The following IL36B variants were observed in gnomAD, a reference collection of about 807,000 sequenced individuals.
IL36B encodes the protein interleukin 36 beta.
In IL36B, 23 loss-of-function variants were observed where a neutral mutation model predicts 19.3. The observed-to-expected ratio is 1.19, with a 90% CI of 0.86 to 1.69. The LOEUF is 1.69. Among genes scored for constraint, IL36B ranks in the 40% most tolerant of loss-of-function variants. IL36B has a pLI of 0.00. For missense variants in IL36B, 217 were observed against 200.5 expected, an observed-to-expected ratio of 1.08 and a Z score of -0.50; for synonymous variants, 59 against 59.7, an observed-to-expected ratio of 0.99 and a Z score of 0.05.
At chr2:113,042,621 A>G (rs890050038) in intron 1 of IL36B, among the ~76,000 whole-genome samples, 4 of 152,250 alleles carry the variant, frequency 2.6e-5, no homozygotes, top group Admixed American at 6.5e-5. Flanking sequence ...TCCTTCACTC[A>G]GTGTACTTTC....
At chr2:113,051,442 T>A (rs533740940) in intron 1 of IL36B, among the ~76,000 whole-genome samples, 1 of 150,512 alleles carries the variant, frequency 6.6e-6, no homozygotes, top group African/African-American at 2.5e-5. Context: ...CTGCCCACAC[T>A]CTCTCTCAGA....
chr2:113,042,907 C>T (rs1432056944), intron 1 of IL36B, among the ~76,000 whole-genome samples: 1 of 151,878 alleles, frequency 6.6e-6, no homozygotes, highest in African/African-American at 2.4e-5. Flanking sequence ...TGTGAGAGAT[C>T]TGGTTCTCTA....
At chr2:113,024,031 G>A (rs958681583) in intron 5 of IL36B, among the ~76,000 whole-genome samples, 1 of 152,170 alleles carries the variant, frequency 6.6e-6, no homozygotes, top group Non-Finnish European at 1.5e-5. Context: ...CATGCTGATG[G>A]AAATTGAAGA....
intron 4 of IL36B, among the ~76,000 whole-genome samples, chr2:113,026,756 T>C (rs1684969334): frequency 6.6e-6 from 1 of 152,212 alleles, no homozygotes; most frequent in Admixed American, 6.5e-5. Context: ...GTATCATAGC[T>C]GATGCTTCTT....
At chr2:113,036,354 C>CTT (rs367626558) in intron 1 of IL36B, among the ~76,000 whole-genome samples, 8 of 134,928 alleles carry the variant, frequency 5.9e-5, no homozygotes, top group East Asian at 4.2e-4. Flanking sequence ...AAACACCTTG[C>CTT]TTTTTTTTTT....
chr2:113,034,648 A>G (rs1439348456), intron 1 of IL36B, among the ~76,000 whole-genome samples: 1 of 152,236 alleles, frequency 6.6e-6, no homozygotes, highest in Non-Finnish European at 1.5e-5. Flanking sequence ...AAATGTATGT[A>G]GTATCTCATG....
intron 1 of IL36B, among the ~76,000 whole-genome samples, chr2:113,052,214 T>C (rs1207735667): frequency 6.6e-6 from 1 of 152,078 alleles, no homozygotes. Flanking sequence ...CCTCCCAAGG[T>C]ACTGGGATTA....
At chr2:113,032,133 CTGTG>C (rs56385654) in intron 1 of IL36B, among the ~76,000 whole-genome samples, 2,579 of 143,936 alleles carry the variant, frequency 0.018, 25 homozygotes, top group African/African-American at 0.028. Flanking sequence ...GTGTGTGTGT[CTGTG>C]TGTGTGTGTG....
chr2:113,035,813 C>G (rs993236727), intron 1 of IL36B, among the ~76,000 whole-genome samples: 33 of 152,110 alleles, frequency 2.2e-4, no homozygotes, highest in African/African-American at 7.5e-4. Context: ...GAAGCTGTGT[C>G]TCTGACATAG....
intron 4 of IL36B, among the ~76,000 whole-genome samples, chr2:113,028,668 G>A (rs1174402693): frequency 6.6e-6 from 1 of 152,194 alleles, no homozygotes; most frequent in Non-Finnish European, 1.5e-5. Flanking sequence ...ACAGGACCGA[G>A]AATGGAGAAA....
chr2:113,030,059 C>T (rs34352179), intron 3 of IL36B, among the ~76,000 whole-genome samples: 1,792 of 152,134 alleles, frequency 0.012, 32 homozygotes, highest in African/African-American at 0.041. Context: ...GGTGAAACCC[C>T]ATCTCTATTA....
chr2:113,024,318 G>C (rs1490819416), intron 5 of IL36B, among the ~76,000 whole-genome samples: 2 of 152,180 alleles, frequency 1.3e-5, no homozygotes, highest in Non-Finnish European at 2.9e-5. Context: ...TCAGAGACTG[G>C]AACAGGGGGA....
In IL36B at chr2:113,031,757, G is replaced by A; in HGVS notation, c.-48C>T. The A allele has an allele frequency of 6.6e-7, 1 of 1,508,476 alleles. No individual in the cohort carries two copies. The highest frequency in any genetic ancestry group is 9.2e-7 in the Non-Finnish European group (1 of 1,087,308). 93.4% of individuals were successfully genotyped at this position (1,508,476 alleles called of 1,614,324 possible). On this transcript the variant is annotated 5_prime_UTR_variant, in exon 2 of 6. Coordinates refer to ENST00000259213, the MANE Select transcript of IL36B (RefSeq NM_014438.5). ...AAGAGAACAAGATAGATCAGATGGT[G>A]GTGAGGAGGCTGTTAACAGTTGGCC...
At chr2:113,045,242 C>T (rs1003652710) in intron 1 of IL36B, among the ~76,000 whole-genome samples, 3 of 151,928 alleles carry the variant, frequency 2.0e-5, no homozygotes, top group African/African-American at 7.3e-5. Flanking sequence ...TGGTTATAAC[C>T]GCAAAAGCAT....
chr2:113,048,080 A>C (rs1156702980), intron 1 of IL36B, among the ~76,000 whole-genome samples: 2 of 152,184 alleles, frequency 1.3e-5, no homozygotes, highest in African/African-American at 2.4e-5. Flanking sequence ...TTGGATAAAA[A>C]TGCAAGATCT....
chr2:113,038,040 T>C (rs369896765), intron 1 of IL36B, among the ~76,000 whole-genome samples: 49 of 152,354 alleles, frequency 3.2e-4, no homozygotes, highest in African/African-American at 1.1e-3. Flanking sequence ...ATTTGAAGTC[T>C]GGTAGTACTG....
intron 5 of IL36B, among the ~76,000 whole-genome samples, chr2:113,025,822 T>G (rs1463842564): frequency 6.6e-6 from 1 of 152,028 alleles, no homozygotes; most frequent in East Asian, 1.9e-4. Flanking sequence ...AAGAAGTTGG[T>G]TTTGATAGAA....
At chr2:113,047,574 G>T (rs1685370882) in intron 1 of IL36B, among the ~76,000 whole-genome samples, 1 of 152,158 alleles carries the variant, frequency 6.6e-6, no homozygotes, top group Non-Finnish European at 1.5e-5. Flanking sequence ...TTTAGGTCTA[G>T]TTATTTTCCA....
chr2:113,049,681 G>A (rs541455200), intron 1 of IL36B, among the ~76,000 whole-genome samples: 6 of 152,212 alleles, frequency 3.9e-5, no homozygotes, highest in Admixed American at 1.3e-4. Context: ...TGGGTGGGGC[G>A]TGATGGCTTA....
Sources: allele counts gnomAD v4.1 joint callset (sites outside exome capture counted in the v4.1 genomes callset), GRCh38; gene constraint gnomAD v4.1.1; transcripts MANE v1.5; gene names NCBI Gene and HGNC (gene_info 2026-07-23, HGNC 2026-07-21).